TEAD4: variants seen among roughly 807,000 people sequenced by gnomAD.
TEAD4 encodes TEA domain transcription factor 4.
A neutral mutation model predicts 52.4 loss-of-function variants in TEAD4; 36 were observed. The observed-to-expected ratio is 0.69, with a 90% CI of 0.53 to 0.91. TEAD4 has a LOEUF of 0.91. Among genes scored for constraint, TEAD4 ranks in the 40% least tolerant of loss-of-function variants. The pLI is 0.00. For missense variants in TEAD4, 508 were observed against 583.9 expected (o/e 0.87, Z 1.34); for synonymous variants, 220 against 231.0 (o/e 0.95, Z 0.43).
At chr12:2,978,686 G>C (rs2098231813) in intron 2 of TEAD4, among the ~76,000 whole-genome samples, 1 of 151,966 alleles carries the variant, frequency 6.6e-6, no homozygotes, top group African/African-American at 2.4e-5. Context: ...TTACGGGTGT[G>C]AACCACTGCG....
In TEAD4 at chr12:2,967,219, G is replaced by A. The variant is rs898462076; in HGVS notation, c.-30+7179G>A. The stretch of plus-strand genomic sequence containing the variant: ...AAAATGATACATAATACTATAATTC[G>A]GGTGGGCTGGTATTTCGGTGAATGT... On this transcript the variant is annotated intron_variant, in intron 2 of 12. Transcript: ENST00000359864. 2.7e-4 allele frequency among the ~76,000 whole-genome samples: 20 copies of A among 74,334 alleles called. No homozygotes were observed. In the East Asian group the frequency reaches 5.3e-3, roughly 20 times the overall value. The allele number at this position is 74,334 out of a possible 152,430, so 48.8% of individuals were successfully genotyped here.
intron 2 of TEAD4, among the ~76,000 whole-genome samples, chr12:2,971,642 A>ATT (rs914036095): frequency 2.0e-5 from 3 of 147,252 alleles, no homozygotes; most frequent in Admixed American, 6.8e-5. Flanking sequence ...CACCTGGCTA[A>ATT]TTTTTTGTAT....
chr12:3,005,074 A>G (rs1410637746), intron 3 of TEAD4, among the ~76,000 whole-genome samples: 1 of 152,240 alleles, frequency 6.6e-6, no homozygotes, highest in Non-Finnish European at 1.5e-5. Context: ...TTTAACAAAT[A>G]CAAACCTGGA....
At chr12:3,027,044 G>T (rs1471742654) in intron 10 of TEAD4, among the ~76,000 whole-genome samples, 1 of 152,156 alleles carries the variant, frequency 6.6e-6, no homozygotes, top group Admixed American at 6.5e-5. Context: ...CCAGGTTGGA[G>T]TGCAGTGGTG....
chr12:2,986,887 A>G (rs542892723), intron 2 of TEAD4, among the ~76,000 whole-genome samples: 36 of 152,256 alleles, frequency 2.4e-4, no homozygotes, highest in African/African-American at 8.4e-4. Context: ...TCACTAGGCA[A>G]TAGGAAGTTT....
chr12:3,009,706 C>A (rs1480215987), intron 3 of TEAD4, among the ~76,000 whole-genome samples: 1 of 152,238 alleles, frequency 6.6e-6, no homozygotes, highest in African/African-American at 2.4e-5. Context: ...GAGGAGACAT[C>A]TTGTGGACTC....
chr12:3,005,657 C>A (rs1040772693), intron 3 of TEAD4, among the ~76,000 whole-genome samples: 1 of 150,774 alleles, frequency 6.6e-6, no homozygotes, highest in East Asian at 1.9e-4. Flanking sequence ...CCACCATGCC[C>A]GGCTATATTT....
intron 2 of TEAD4, among the ~76,000 whole-genome samples, chr12:2,968,773 C>G (rs1349058141): frequency 1.3e-5 from 2 of 151,940 alleles, no homozygotes; most frequent in Non-Finnish European, 2.9e-5. Context: ...CTCAGTCTCC[C>G]AAGTAGCTGG....
intron 2 of TEAD4, among the ~76,000 whole-genome samples, chr12:2,973,771 A>G (rs1345365048): frequency 6.6e-6 from 1 of 152,110 alleles, no homozygotes; most frequent in Non-Finnish European, 1.5e-5. Flanking sequence ...ATCCAGAAAA[A>G]CAAATGTTCA....
At chr12:3,003,410 G>A (rs554409582) in intron 3 of TEAD4, among the ~76,000 whole-genome samples, 57 of 152,268 alleles carry the variant, frequency 3.7e-4, no homozygotes, top group Non-Finnish European at 6.0e-4. Context: ...GGAGAGAGGG[G>A]ACTCAGCACA....
At chr12:2,972,486 T>G (rs1012444679) in intron 2 of TEAD4, among the ~76,000 whole-genome samples, 5 of 134,020 alleles carry the variant, frequency 3.7e-5, no homozygotes, top group Admixed American at 8.3e-5. Context: ...TCAGGCAGCA[T>G]GTCTCTTTTT....
intron 10 of TEAD4, among the ~76,000 whole-genome samples, chr12:3,027,613 C>T (rs2098272829): frequency 6.6e-6 from 1 of 152,172 alleles, no homozygotes; most frequent in Admixed American, 6.5e-5. Flanking sequence ...GTGCCAGTAA[C>T]CCCTACACTT....
At chr12:2,985,393 CAAAAAA>C (rs1467187578) in intron 2 of TEAD4, among the ~76,000 whole-genome samples, 1 of 146,470 alleles carries the variant, frequency 6.8e-6, no homozygotes, top group Non-Finnish European at 1.5e-5. Flanking sequence ...TCAAAAAAAA[CAAAAAA>C]CAAAAAACAA....
chr12:3,032,611 C>G (rs1450180662), intron 10 of TEAD4, among the ~76,000 whole-genome samples: 1 of 152,210 alleles, frequency 6.6e-6, no homozygotes, highest in Non-Finnish European at 1.5e-5. Flanking sequence ...TCTTGGGGAC[C>G]TGCCAGGGGC....
At position 3,022,361 on chromosome 12, in the gene TEAD4, G is replaced by A. The variant is rs141728547; in HGVS notation, c.897+344G>A. 4.5e-4 allele frequency among the ~76,000 whole-genome samples: 69 copies of A among 152,298 alleles called. 1 individual carries two copies. Among genetic ancestry groups the A allele is most frequent in the African/African-American group, 1.5e-3 (62 of 41,572 alleles). On this transcript the variant is annotated intron_variant, in intron 10 of 12. Transcript: ENST00000359864. ...GATAAGTGAAGACATGACTAGGAGC[G>A]CCCTTGTCACCCAGGTCTTTGAATG...
At chr12:2,995,477 T>C (rs1053982872) in intron 3 of TEAD4, among the ~76,000 whole-genome samples, 4 of 152,154 alleles carry the variant, frequency 2.6e-5, no homozygotes, top group Non-Finnish European at 5.9e-5. Context: ...AGCTCACAGA[T>C]ACCTGCTCTG....
At chr12:3,020,099 A>G (rs2098267585) in intron 8 of TEAD4, among the ~76,000 whole-genome samples, 1 of 152,116 alleles carries the variant, frequency 6.6e-6, no homozygotes, top group South Asian at 2.1e-4. Context: ...TCAGGACACG[A>G]TCTAAACTAC....
chr12:2,985,015 T>G (rs2098236933), intron 2 of TEAD4, among the ~76,000 whole-genome samples: 1 of 152,254 alleles, frequency 6.6e-6, no homozygotes, highest in Non-Finnish European at 1.5e-5. Flanking sequence ...TTTAAAATGA[T>G]TTTTCTTCAA....
chr12:2,991,427 C>G (rs980887981), intron 2 of TEAD4, among the ~76,000 whole-genome samples: 2 of 152,100 alleles, frequency 1.3e-5, no homozygotes, highest in African/African-American at 4.8e-5. Flanking sequence ...TTTGGGAGGC[C>G]GAGGTGGATG....
Sources: gnomAD v4.1 joint callset for allele counts (sites outside exome capture counted in the v4.1 genomes callset) on GRCh38, gnomAD v4.1.1 for gene constraint, MANE v1.5 for transcripts, NCBI Gene and HGNC (gene_info 2026-07-23, HGNC 2026-07-21) for gene names.